JARID2: variants seen among roughly 807,000 people sequenced by gnomAD.
JARID2 encodes protein Jumonji.
A neutral mutation model predicts 125.6 loss-of-function variants in JARID2; 21 were observed. The observed-to-expected ratio is 0.17, with a 90% CI of 0.12 to 0.24. The LOEUF is 0.24. Among genes scored for constraint, JARID2 ranks in the 10% least tolerant of loss-of-function variants. The pLI is 1.00. For missense variants in JARID2, 1,303 were observed against 1,639.6 expected, an observed-to-expected ratio of 0.79 and a Z score of 3.55; for synonymous variants, 736 against 661.6, an observed-to-expected ratio of 1.11 and a Z score of -1.73.
intron 6 of JARID2, among the ~76,000 whole-genome samples, chr6:15,493,529 G>A (rs916133013): frequency 6.6e-6 from 1 of 152,128 alleles, no homozygotes; most frequent in African/African-American, 2.4e-5. Flanking sequence ...TGGGAGTAGG[G>A]CTGAAACAGA....
Position 15,357,464 on chromosome 6 carries a change from C to T in JARID2, c.46-16653C>T, listed in dbSNP as rs182351175. Reference sequence around the variant, plus strand: ...TGTCAGTGAACATAAATTATAACTTCAAACTGATACTCAAAATGGGTCTAG... The same window carrying T: ...TGTCAGTGAACATAAATTATAACTTTAAACTGATACTCAAAATGGGTCTAG... On this transcript the variant is annotated intron_variant, in intron 1 of 17. Transcript: ENST00000341776. Among the ~76,000 whole-genome samples the T allele has an allele frequency of 1.6e-3, 248 of 152,278 alleles. 1 individual carries two copies. Among genetic ancestry groups the T allele is most frequent in the Admixed American group, 4.5e-3 (69 of 15,292 alleles).
chr6:15,513,532 C>A, intron 16 of JARID2, 110 bp downstream of exon 16: 1 of 1,083,508 alleles, frequency 9.2e-7, no homozygotes, highest in Non-Finnish European at 1.3e-6. Flanking sequence ...ACCTGCTGTG[C>A]TCCCATCTCT....
At chr6:15,422,516 T>C (rs981801093) in intron 3 of JARID2, among the ~76,000 whole-genome samples, 2 of 152,152 alleles carry the variant, frequency 1.3e-5, no homozygotes, top group African/African-American at 4.8e-5. Flanking sequence ...CTGTGCATGC[T>C]CTGTTTCCTG....
At chr6:15,332,930 C>CTTTT (rs1319288795) in intron 1 of JARID2, among the ~76,000 whole-genome samples, 29 of 82,808 alleles carry the variant, frequency 3.5e-4, no homozygotes, top group African/African-American at 4.9e-4. Context: ...CTTTTCTTTT[C>CTTTT]TTTTCTTTTT....
chr6:15,279,324 C>G (rs901899321), intron 1 of JARID2, among the ~76,000 whole-genome samples: 1 of 152,182 alleles, frequency 6.6e-6, no homozygotes, highest in African/African-American at 2.4e-5. Flanking sequence ...GCACGTCACT[C>G]CTATCTGCAA....
Position 15,513,298 on chromosome 6 carries a change from G to C in JARID2, c.3326G>C (p.Arg1109Pro). The C allele has an allele frequency of 6.2e-7, 1 of 1,602,080 alleles. No individual in the cohort carries two copies. Among genetic ancestry groups the C allele is most frequent in the Non-Finnish European group, 8.5e-7 (1 of 1,175,608 alleles). The change falls in exon 16 of 18, where the codon CGC becomes CCC. Residue 1109 changes from arginine (R) to proline (P), a missense_variant. By Grantham distance (103) the Arg-to-Pro change is moderately radical. Transcript: ENST00000341776. ...GAGGCTGGCCTCCACTCCTCCGCAC[G>C]CTATGGCAGCCACGATGGCAGCAGC... ...LFEAGLHSSA[R>P]YGSHDGSSTV...
intron 4 of JARID2, among the ~76,000 whole-genome samples, chr6:15,456,963 C>T (rs1029705808): frequency 1.5e-5 from 2 of 136,520 alleles, no homozygotes; most frequent in African/African-American, 2.7e-5. Context: ...AAGAAGTAGG[C>T]AAAAGAATGC....
chr6:15,372,079 TAG>T (rs1401262564), intron 1 of JARID2, among the ~76,000 whole-genome samples: 1 of 152,306 alleles, frequency 6.6e-6, no homozygotes, highest in East Asian at 1.9e-4. Context: ...ATTTAGGGCT[TAG>T]AGTCTCTATG....
intron 1 of JARID2, among the ~76,000 whole-genome samples, chr6:15,266,074 A>G (rs146637592): frequency 8.5e-5 from 13 of 152,294 alleles, no homozygotes; most frequent in Non-Finnish European, 1.3e-4. Flanking sequence ...TTAAAGGTCA[A>G]TACTGATCAG....
intron 1 of JARID2, among the ~76,000 whole-genome samples, chr6:15,325,657 C>T (rs1327486820): frequency 2.6e-5 from 4 of 152,200 alleles, no homozygotes; most frequent in South Asian, 2.1e-4. Flanking sequence ...TCTTATTTAC[C>T]GCCATAGACT....
chr6:15,286,479 T>G (rs1398495388), intron 1 of JARID2, among the ~76,000 whole-genome samples: 1 of 151,798 alleles, frequency 6.6e-6, no homozygotes, highest in Non-Finnish European at 1.5e-5. Context: ...CTTGAACTCC[T>G]GACCTCATGA....
chr6:15,497,240 A>C (rs1770492674), intron 7 of JARID2, 70 bp downstream of exon 7: 6 of 1,175,508 alleles, frequency 5.1e-6, no homozygotes, highest in Non-Finnish European at 7.1e-6. Context: ...GTTCCCTCAC[A>C]GTCTTCACGT....
At chr6:15,247,740 C>G in intron 1 of JARID2, 3 of 985,296 alleles carry the variant, frequency 3.0e-6, no homozygotes, top group Non-Finnish European at 3.6e-6. Context: ...TTCAAGAGAG[C>G]TGATCCTTAT....
rs756904768 is a variant in JARID2, at chr6:15,501,348, T to C, written c.2387T>C (p.Val796Ala). 5.6e-6 allele frequency: 9 copies of C among 1,597,868 alleles called. No individual in the cohort carries two copies. The East Asian group carries it at 1.1e-4, about 20-fold the overall frequency. The stretch of plus-strand genomic sequence containing the variant: ...CGACTCTTCGCTCAGGAAAAAGAAG[T>C]GGTCAAGGAAGAGGAGGAGGACAAA... ...RRRLFAQEKE[V>A]VKEEEEDKGV... is the part of the protein sequence containing the mutation. Residue 796 changes from valine (V) to alanine (A), a missense_variant, in exon 8 of 18, where the codon GTG becomes GCG. This residue lies in a region of JARID2 where 124 missense variants were observed against 131.0 expected (regional missense o/e 0.95). Coordinates refer to ENST00000341776, the MANE Select transcript of JARID2 (RefSeq NM_004973.4).
At chr6:15,298,292 G>A (rs904282385) in intron 1 of JARID2, among the ~76,000 whole-genome samples, 7 of 152,210 alleles carry the variant, frequency 4.6e-5, no homozygotes, top group Admixed American at 1.3e-4. Flanking sequence ...AAATATTTTC[G>A]CGAGAAATGA....
chr6:15,453,011 AATTT>A (rs1561872414), intron 4 of JARID2, among the ~76,000 whole-genome samples: 1 of 152,174 alleles, frequency 6.6e-6, no homozygotes, highest in African/African-American at 2.4e-5. Flanking sequence ...ATATTTTGAT[AATTT>A]ATTATTACAG....
At chr6:15,464,076 A>G (rs1200484345) in intron 4 of JARID2, among the ~76,000 whole-genome samples, 1 of 151,972 alleles carries the variant, frequency 6.6e-6, no homozygotes, top group Non-Finnish European at 1.5e-5. Context: ...TTATTTAGCT[A>G]TTTTCTAGAT....
intron 2 of JARID2, among the ~76,000 whole-genome samples, chr6:15,407,367 G>A (rs1765692803): frequency 6.6e-6 from 1 of 152,184 alleles, no homozygotes; most frequent in South Asian, 2.1e-4. Context: ...TGATTCGCAT[G>A]CATGCTCAAG....
intron 4 of JARID2, among the ~76,000 whole-genome samples, chr6:15,455,686 T>C (rs1045547517): frequency 5.9e-5 from 9 of 151,966 alleles, no homozygotes; most frequent in Non-Finnish European, 2.9e-5. Flanking sequence ...CGCCCACCAC[T>C]ACGCCTGGCT....
Sources: allele counts gnomAD v4.1 joint callset (sites outside exome capture counted in the v4.1 genomes callset), GRCh38; gene constraint gnomAD v4.1.1; regional missense constraint gnomAD v4.1.1; transcripts MANE v1.5; gene names NCBI Gene and HGNC (gene_info 2026-07-23, HGNC 2026-07-21).